The following HS6ST3 variants were observed in gnomAD, a reference collection of about 807,000 sequenced individuals.
HS6ST3 encodes heparan-sulfate 6-O-sulfotransferase 3.
A neutral mutation model predicts 36.7 loss-of-function variants in HS6ST3; 12 were observed. The ratio of observed to expected loss-of-function variants is 0.33; its 90% confidence interval spans 0.21 to 0.53. The LOEUF is 0.53. HS6ST3 is among the 20% of genes least tolerant of loss of function. HS6ST3 has a pLI of 0.95. For synonymous variants in HS6ST3, 240 were observed against 257.5 expected (o/e 0.93, Z 0.65); for missense variants, 584 against 640.9 (o/e 0.91, Z 0.96).
intron 1 of HS6ST3, among the ~76,000 whole-genome samples, chr13:96,716,782 T>C (rs1037279356): frequency 6.6e-6 from 1 of 152,156 alleles, no homozygotes; most frequent in Non-Finnish European, 1.5e-5. Flanking sequence ...ACAAAGTGGT[T>C]TTCAGACTTT....
At chr13:96,613,693 G>C (rs769947132) in intron 1 of HS6ST3, among the ~76,000 whole-genome samples, 1 of 152,064 alleles carries the variant, frequency 6.6e-6, no homozygotes, top group Non-Finnish European at 1.5e-5. Context: ...CTGTCTACAT[G>C]ATTCCCTTTT....
chr13:96,404,668 C>T (rs897519355), intron 1 of HS6ST3, among the ~76,000 whole-genome samples: 6 of 152,162 alleles, frequency 3.9e-5, no homozygotes, highest in Non-Finnish European at 8.8e-5. Flanking sequence ...TGGCAAAAGG[C>T]CAATACCTTA....
At chr13:96,688,019 A>G (rs1234356118) in intron 1 of HS6ST3, among the ~76,000 whole-genome samples, 1 of 148,680 alleles carries the variant, frequency 6.7e-6, no homozygotes, top group African/African-American at 2.5e-5. Flanking sequence ...TTGAACAATG[A>G]GAACACTTGG....
At chr13:96,514,824 C>A (rs144880631) in intron 1 of HS6ST3, among the ~76,000 whole-genome samples, 16 of 152,294 alleles carry the variant, frequency 1.1e-4, no homozygotes, top group African/African-American at 3.8e-4. Flanking sequence ...AGGAGTTATT[C>A]ATCAAACTGT....
intron 1 of HS6ST3, among the ~76,000 whole-genome samples, chr13:96,274,732 A>G (rs2054739023): frequency 6.6e-6 from 1 of 152,064 alleles, no homozygotes; most frequent in Non-Finnish European, 1.5e-5. Context: ...TTATATTCTA[A>G]TCAACCAAGC....
At position 96,468,978 on chromosome 13, in the gene HS6ST3, AAAATATTTTTCT is replaced by A. The variant is rs2055827833; in HGVS notation, c.708-363509_708-363498del. ...TTATTCATGTCTTTTTCTAAAGAAA[AAAATATTTTTCT>A]AATGAAAATATTTTTTCTAATGAAA... On this transcript the variant is annotated intron_variant, in intron 1 of 1. Coordinates refer to ENST00000376705, the MANE Select transcript of HS6ST3 (RefSeq NM_153456.4). 3.3e-5 allele frequency among the ~76,000 whole-genome samples: 5 copies of A among 152,286 alleles called. No homozygotes were observed. The South Asian group carries it at 1.0e-3, about 32-fold the overall frequency.
At chr13:96,281,522 T>C (rs1243697474) in intron 1 of HS6ST3, among the ~76,000 whole-genome samples, 1 of 152,158 alleles carries the variant, frequency 6.6e-6, no homozygotes, top group Admixed American at 6.5e-5. Context: ...AGCACTACAA[T>C]AGAATATTGA....
At chr13:96,586,972 T>C (rs185609024) in intron 1 of HS6ST3, among the ~76,000 whole-genome samples, 17 of 152,298 alleles carry the variant, frequency 1.1e-4, no homozygotes, top group Admixed American at 4.6e-4. Flanking sequence ...TCTTTATATA[T>C]AGTATGCGAT....
At position 96,839,504 on chromosome 13, in the gene HS6ST3, T is replaced by C. The variant is rs1879017118; in HGVS notation, c.*6306T>C. ...TTGTAGAACTGAAGATTTCCATTGATGTGAAGCACAATTTAATGAATAAGT... is the reference window on the plus strand; with the variant it reads ...TTGTAGAACTGAAGATTTCCATTGACGTGAAGCACAATTTAATGAATAAGT... On this transcript the variant is annotated 3_prime_UTR_variant, in exon 2 of 2. Coordinates refer to ENST00000376705, the MANE Select transcript of HS6ST3 (RefSeq NM_153456.4). 1 of 152,266 alleles carries C rather than the reference T, an allele frequency of 6.6e-6. No individual in the cohort carries two copies. The highest frequency in any genetic ancestry group is 1.5e-5 in the Non-Finnish European group (1 of 68,044). The allele number at this position is 152,266 out of a possible 1,614,324, so 9.4% of individuals were successfully genotyped here. A position where few individuals can be genotyped will look rare whatever the true frequency, so the allele number is the denominator to read the frequency against.
chr13:96,600,878 A>C (rs567025774), intron 1 of HS6ST3, among the ~76,000 whole-genome samples: 3 of 152,076 alleles, frequency 2.0e-5, no homozygotes, highest in Non-Finnish European at 2.9e-5. Flanking sequence ...AAGTTCCCTC[A>C]GCATTTGCTT....
At position 96,780,106 on chromosome 13, in the gene HS6ST3, T is replaced by G. The variant is rs546442497; in HGVS notation, c.708-52384T>G. ...TCCTAAGGCAAGGCTCAGAACTGGA[T>G]TTGTAAACAGAACTGGGAGAGAGGG... On this transcript the variant is annotated intron_variant, in intron 1 of 1. Transcript: ENST00000376705. Among the ~76,000 whole-genome samples the G allele has an allele frequency of 3.4e-4, 51 of 152,204 alleles. 1 individual carries two copies. The highest frequency in any genetic ancestry group is 1.7e-3 in the Admixed American group (26 of 15,286).
At chr13:96,193,364 G>A (rs142636156) in intron 1 of HS6ST3, among the ~76,000 whole-genome samples, 18 of 152,192 alleles carry the variant, frequency 1.2e-4, no homozygotes, top group Admixed American at 5.2e-4. Context: ...ACTTGATTCC[G>A]TATTACTTGG....
At chr13:96,251,280 A>G (rs1312397896) in intron 1 of HS6ST3, among the ~76,000 whole-genome samples, 2 of 152,076 alleles carry the variant, frequency 1.3e-5, no homozygotes, top group African/African-American at 4.8e-5. Context: ...TTATTGATCT[A>G]TTCAGATTTT....
chr13:96,462,576 C>T (rs9513146), intron 1 of HS6ST3, among the ~76,000 whole-genome samples: 23,646 of 152,026 alleles, frequency 0.16, 1,892 homozygotes, highest in Middle Eastern at 0.23. Context: ...ATAAGAAAGC[C>T]CACTGTCACA....
intron 1 of HS6ST3, among the ~76,000 whole-genome samples, chr13:96,349,568 G>T (rs984100877): frequency 6.6e-6 from 1 of 152,116 alleles, no homozygotes; most frequent in Admixed American, 6.5e-5. Context: ...GATTCACTTC[G>T]CTTCTGAAAG....
At chr13:96,725,686 G>A (rs997712710) in intron 1 of HS6ST3, among the ~76,000 whole-genome samples, 8 of 152,102 alleles carry the variant, frequency 5.3e-5, no homozygotes, top group African/African-American at 1.7e-4. Context: ...GTGTGTGTGT[G>A]TGTGTGATTG....
At chr13:96,739,283 GT>G (rs1330670509) in intron 1 of HS6ST3, among the ~76,000 whole-genome samples, 1 of 149,472 alleles carries the variant, frequency 6.7e-6, no homozygotes, top group Non-Finnish European at 1.5e-5. Context: ...GTGTGTTGGA[GT>G]GGGGGATTCT....
Position 96,723,673 on chromosome 13 carries a change from C to T in HS6ST3, c.708-108817C>T, listed in dbSNP as rs1875914027. 2.0e-5 allele frequency among the ~76,000 whole-genome samples: 3 copies of T among 152,218 alleles called. No homozygotes were observed. In the South Asian group the frequency reaches 6.2e-4, roughly 32 times the overall value. On this transcript the variant is annotated intron_variant, in intron 1 of 1. Coordinates refer to ENST00000376705, the MANE Select transcript of HS6ST3 (RefSeq NM_153456.4). ...CTGGGTAATTCCTGTGTTGCATTCA[C>T]AGCCCACCCATGGATAACCTCCCAG...
chr13:96,634,153 G>A (rs1225047235), intron 1 of HS6ST3, among the ~76,000 whole-genome samples: 1 of 152,180 alleles, frequency 6.6e-6, no homozygotes, highest in Non-Finnish European at 1.5e-5. Flanking sequence ...AGAATTGTGA[G>A]AAACAGATGT....
Sources: allele counts gnomAD v4.1 joint callset (sites outside exome capture counted in the v4.1 genomes callset), GRCh38; gene constraint gnomAD v4.1.1; transcripts MANE v1.5; gene names NCBI Gene and HGNC (gene_info 2026-07-23, HGNC 2026-07-21).